LAMA5: variants seen among roughly 807,000 people sequenced by gnomAD.
LAMA5 encodes the protein laminin subunit alpha-5.
LAMA5 carries 260 observed loss-of-function variants against 433.4 expected under a neutral mutation model. The ratio of observed to expected loss-of-function variants is 0.60; its 90% confidence interval spans 0.54 to 0.66. The LOEUF (loss-of-function observed/expected upper bound fraction) is 0.66, where lower values mean the gene tolerates loss of function less well. Ranked by LOEUF, LAMA5 falls within the 30% of genes least tolerant of loss-of-function variation. The probability of loss-of-function intolerance (pLI) is 0.00; values close to 1 mark genes in which losing one functional copy is unlikely to be tolerated. For synonymous variants in LAMA5, 2,620 were observed against 2,226.6 expected (o/e 1.18, Z -4.97); for missense variants, 5,378 against 5,258.5 (o/e 1.02, Z -0.70).
intron 2 of LAMA5, among the ~76,000 whole-genome samples, chr20:62,358,924 C>A (rs1389846260): frequency 6.6e-6 from 1 of 152,186 alleles, no homozygotes; most frequent in East Asian, 1.9e-4. Context: ...TGGGTCTCCA[C>A]CATCCCCAGG....
chr20:62,330,036 C>T (rs796500619), intron 31 of LAMA5, 120 bp from the exon 32 acceptor site: 2 of 1,392,112 alleles, frequency 1.4e-6, no homozygotes, highest in Non-Finnish European at 1.9e-6. Context: ...CGGCCACAGG[C>T]ACGGGACGTG....
At chr20:62,321,937 G>A (rs575213849) in intron 48 of LAMA5, 82 bp downstream of exon 48, 27 of 1,419,700 alleles carry the variant, frequency 1.9e-5, no homozygotes, top group South Asian at 1.5e-4. Flanking sequence ...GGAGGTCGAC[G>A]TTAACACTGG....
intron 34 of LAMA5, 36 bp downstream of exon 34, chr20:62,328,808 C>T (rs1230421973): frequency 1.3e-6 from 2 of 1,593,538 alleles, no homozygotes; most frequent in Non-Finnish European, 1.7e-6. Context: ...GGCACCAACT[C>T]CCTGCCACTG....
At position 62,328,898 on chromosome 20, in the gene LAMA5, C is replaced by T. The variant is rs774628351; in HGVS notation, c.4393G>A (p.Gly1465Ser). The stretch of plus-strand genomic sequence containing the variant: ...GTGGCACAGCGGGAGCAGTCACGGC[C>T]AATGACATGGGCATGGCAGGGACAC... ...GQCPCHAHVI[G>S]RDCSRCATGY... The change falls in exon 34 of 80, where the codon GGC becomes AGC. Residue 1465 changes from glycine (G) to serine (S), a missense_variant. Transcript: ENST00000252999. The T allele has an allele frequency of 6.2e-7, 1 of 1,611,784 alleles. No individual in the cohort carries two copies. The highest frequency in any genetic ancestry group is 8.5e-7 in the Non-Finnish European group (1 of 1,179,466).
chr20:62,351,994 T>G lies in LAMA5; in HGVS notation c.773A>C (p.Asn258Thr). 6.2e-7 allele frequency: 1 copy of G among 1,612,658 alleles called. No individual in the cohort carries two copies. Reference protein sequence around the residue: ...PLLREFTKATNVRLRFLRTNT... With the variant: ...PLLREFTKATTVRLRFLRTNT... ...GGTACGCAGGAAGCGCAGGCGGACG[T>G]TGGTGGCCTTGGTGAACTCACGTAG... Residue 258 changes from asparagine (N) to threonine (T), a missense_variant, in exon 5 of 80, where the codon AAC becomes ACC. Asn to Thr is a moderately conservative substitution (Grantham distance 65, BLOSUM62 0). Transcript: ENST00000252999.
rs375000484 is a variant in LAMA5, at chr20:62,345,867, C to T, written c.1428G>A (p.Ser476=). 1.1e-5 allele frequency: 17 copies of T among 1,553,128 alleles called. No individual in the cohort carries two copies. The highest frequency in any genetic ancestry group is 1.4e-5 in the Non-Finnish European group (16 of 1,148,206). The change falls in exon 11 of 80, where the codon TCG becomes TCA. Residue 476 remains serine (S), a synonymous_variant. Transcript: ENST00000252999. The part of the protein sequence containing the change: ...TGFPSCYPTP[S]SSNDTREQVL... ...CCTGCTCCCTGGTGTCATTGGAGGACGAGGGCGTCGCTGAGGGGAAGAGAC... is the reference window on the plus strand; with the variant it reads ...CCTGCTCCCTGGTGTCATTGGAGGATGAGGGCGTCGCTGAGGGGAAGAGAC...
chr20:62,332,597 G>C lies in LAMA5; in HGVS notation c.3403C>G (p.Pro1135Ala), dbSNP rs1176085455. Reference sequence around the variant, plus strand: ...TGCAGGGAGAGCAGCCCCTGCTGGGGGGCCCGCTGTGGGGTGTGCACGGCC... The same window carrying C: ...TGCAGGGAGAGCAGCCCCTGCTGGGCGGCCCGCTGTGGGGTGTGCACGGCC... Reference protein sequence around the residue: ...GVAVHTPQRAPQQGLLSLHPC... With the variant: ...GVAVHTPQRAAQQGLLSLHPC... The change falls in exon 27 of 80, where the codon CCC becomes GCC. Residue 1135 changes from proline (P) to alanine (A), a missense_variant. Coordinates refer to ENST00000252999, the MANE Select transcript of LAMA5 (RefSeq NM_005560.6). The C allele has an allele frequency of 6.3e-7, 1 of 1,595,446 alleles. No individual in the cohort carries two copies. Among genetic ancestry groups the C allele is most frequent in the Admixed American group, 1.7e-5 (1 of 57,766 alleles).
intron 20 of LAMA5, 109 bp from the exon 21 acceptor site, chr20:62,334,730 G>C (rs2146212274): frequency 1.6e-6 from 1 of 610,700 alleles, no homozygotes; most frequent in South Asian, 2.0e-5. Context: ...ATGATGGAGA[G>C]TCAGGGCTCA....
chr20:62,314,912 C>T lies in LAMA5; in HGVS notation c.8083G>A (p.Ala2695Thr). 2 of 1,608,122 alleles carry T rather than the reference C, an allele frequency of 1.2e-6. No homozygotes were observed. Among genetic ancestry groups the T allele is most frequent in the Non-Finnish European group, 1.7e-6 (2 of 1,178,850 alleles). ...TLEKTLPQLLAKLSILENRGV... is the reference protein window; with the variant it reads ...TLEKTLPQLLTKLSILENRGV... ...CGGTTCTCCAGGATGCTCAGCTTGG[C>T]CAGCAGCTGGGGCAGCGTCTTCTCC... Residue 2695 changes from alanine to threonine, a missense_variant, in exon 60 of 80, where the codon GCC becomes ACC. Physicochemically the swap from Ala to Thr is moderately conservative, Grantham distance 58 (BLOSUM62 0). Transcript: ENST00000252999.
At position 62,330,500 on chromosome 20, in the gene LAMA5, G is replaced by C; in HGVS notation, c.3967C>G (p.Arg1323Gly). 6.4e-7 allele frequency: 1 copy of C among 1,556,992 alleles called. No individual in the cohort carries two copies. Among genetic ancestry groups the C allele is most frequent in the East Asian group, 2.3e-5 (1 of 42,560 alleles). The change falls in exon 31 of 80, where the codon CGC (arginine) becomes GGC (glycine). Residue 1323 changes from arginine (R) to glycine (G), a missense_variant. By Grantham distance (125) the Arg-to-Gly change is moderately radical. Transcript: ENST00000252999. ...FPVEVLINAG[R>G]VWQGHANASF... is the part of the protein sequence containing the mutation. ...ACCAGACACTCACCCTGCCACACGCGGCCGGCGTTGATGAGGACTTCCACG... is the reference window on the plus strand; with the variant it reads ...ACCAGACACTCACCCTGCCACACGCCGCCGGCGTTGATGAGGACTTCCACG...
chr20:62,330,703 G>A (rs1428942761), intron 30 of LAMA5, 40 bp downstream of exon 30: 1 of 1,556,006 alleles, frequency 6.4e-7, no homozygotes, highest in Admixed American at 1.9e-5. Flanking sequence ...CCGGAGTCCT[G>A]CCCTGACACC....
chr20:62,333,519 A>AC lies in LAMA5; in HGVS notation c.3022-39dup, dbSNP rs1555879015. The AC allele has an allele frequency of 9.5e-6, 15 of 1,582,870 alleles. No individual in the cohort carries two copies. The South Asian group carries it at 1.7e-4, about 18-fold the overall frequency. On this transcript the variant is annotated intron_variant, in intron 24 of 79. Coordinates refer to ENST00000252999, the MANE Select transcript of LAMA5 (RefSeq NM_005560.6). Reference sequence around the variant, plus strand: ...GGTGGTGCTGAGAGTGGTGGGCCCCACCCCCTGACCCGGCCCCCAGCCCTC... The same window carrying AC: ...GGTGGTGCTGAGAGTGGTGGGCCCCACCCCCCTGACCCGGCCCCCAGCCCTC...
intron 6 of LAMA5, among the ~76,000 whole-genome samples, chr20:62,347,738 C>A (rs529987930): frequency 6.6e-6 from 1 of 152,202 alleles, no homozygotes; most frequent in African/African-American, 2.4e-5. Flanking sequence ...GAGTCCCTGC[C>A]CCAGATCAGG....
intron 62 of LAMA5, 23 bp downstream of exon 62, chr20:62,314,281 G>A (rs199867608): frequency 3.7e-5 from 60 of 1,609,710 alleles, no homozygotes; most frequent in East Asian, 2.2e-4. Flanking sequence ...GGAGGCATCC[G>A]GCCTCTCTCC....
At chr20:62,340,167 A>G (rs983195926) in intron 11 of LAMA5, among the ~76,000 whole-genome samples, 3 of 152,196 alleles carry the variant, frequency 2.0e-5, no homozygotes, top group South Asian at 2.1e-4. Context: ...TTAAAATGGC[A>G]AGGAGAATTT....
chr20:62,327,908 C>A lies in LAMA5; in HGVS notation c.4755G>T (p.Ala1585=), dbSNP rs757231154. The change falls in exon 36 of 80, where the codon GCG becomes GCT. Residue 1585 remains alanine (A), a synonymous_variant. Coordinates refer to ENST00000252999, the MANE Select transcript of LAMA5 (RefSeq NM_005560.6). ...CTGTGAGGGGGTCACACACGCCAGG[C>A]GCAGTGCCCGCCTCGTGACAGTCAC... ...RPCDCHEAGT[A]PGVCDPLTGQ... The A allele has an allele frequency of 6.2e-7, 1 of 1,611,670 alleles. No individual in the cohort carries two copies. Among genetic ancestry groups the A allele is most frequent in the African/African-American group, 1.3e-5 (1 of 75,032 alleles).
intron 58 of LAMA5, among the ~76,000 whole-genome samples, chr20:62,315,470 G>A (rs1353869570): frequency 6.6e-6 from 1 of 151,900 alleles, no homozygotes; most frequent in Non-Finnish European, 1.5e-5. Context: ...CCCACCACCT[G>A]GCCCCCACCA....
At chr20:62,327,102 A>G in intron 38 of LAMA5, 131 bp downstream of exon 38, 3 of 1,118,538 alleles carry the variant, frequency 2.7e-6, no homozygotes, top group Non-Finnish European at 3.8e-6. Flanking sequence ...CTACCGGGAC[A>G]GGGCCTGGGC....
In LAMA5 at chr20:62,312,604, C is replaced by T. The variant is rs200287060; in HGVS notation, c.9227+28G>A. Reference sequence around the variant, plus strand: ...GCCTACCGCCCCAACAGCCTGGCCTCGGAGCCCCAGCTGCGCACAGTGCTT... The same window carrying T: ...GCCTACCGCCCCAACAGCCTGGCCTTGGAGCCCCAGCTGCGCACAGTGCTT... On this transcript the variant is annotated intron_variant, in intron 67 of 79. Coordinates refer to ENST00000252999, the MANE Select transcript of LAMA5 (RefSeq NM_005560.6). The T allele has an allele frequency of 4.7e-5, 76 of 1,600,644 alleles. No homozygotes were observed. The East Asian group carries it at 1.1e-3, about 22-fold the overall frequency.
Sources: allele counts gnomAD v4.1 joint callset (sites outside exome capture counted in the v4.1 genomes callset), GRCh38; gene constraint gnomAD v4.1.1; transcripts MANE v1.5; gene names NCBI Gene and HGNC (gene_info 2026-07-23, HGNC 2026-07-21).